MTUS1: variants seen among roughly 807,000 people sequenced by gnomAD.
MTUS1 encodes microtubule associated scaffold protein 1, also known as microtubule-associated tumor suppressor 1.
Under a neutral mutation model 120.8 loss-of-function variants are expected in MTUS1, and 109 were observed. That is an observed-to-expected ratio of 0.90 (90% CI 0.77 to 1.06). MTUS1 has a LOEUF of 1.06. MTUS1 is among the 50% of genes least tolerant of loss of function. The pLI is 0.00. For missense variants in MTUS1, 2,210 were observed against 1,486.3 expected (o/e 1.49, Z -8.01); for synonymous variants, 737 against 550.5 (o/e 1.34, Z -4.74).
chr8:17,680,782 G>A (rs780417557), intron 7 of MTUS1, among the ~76,000 whole-genome samples: 1 of 152,118 alleles, frequency 6.6e-6, no homozygotes, highest in Non-Finnish European at 1.5e-5. Context: ...AGATAGCAGA[G>A]AGTATAGAAT....
chr8:17,701,593 G>A (rs1011763525), intron 6 of MTUS1, among the ~76,000 whole-genome samples: 2 of 152,140 alleles, frequency 1.3e-5, no homozygotes, highest in African/African-American at 4.8e-5. Context: ...TGTCGCCAAG[G>A]CTGGAGTGCA....
intron 1 of MTUS1, among the ~76,000 whole-genome samples, chr8:17,764,811 G>C (rs534286808): frequency 6.6e-6 from 1 of 152,200 alleles, no homozygotes. Context: ...ACTAGTCTAT[G>C]CCCTAATCCC....
At chr8:17,710,374 T>G (rs1042416317) in intron 6 of MTUS1, among the ~76,000 whole-genome samples, 4 of 152,224 alleles carry the variant, frequency 2.6e-5, no homozygotes, top group Non-Finnish European at 5.9e-5. Context: ...ATTTCAACAG[T>G]GTTCACATCA....
At chr8:17,656,217 T>C in intron 8 of MTUS1, 152 bp from the exon 9 acceptor site, 1 of 714,582 alleles carries the variant, frequency 1.4e-6, no homozygotes. Context: ...TATAACAGTA[T>C]GGAAGTGAAC....
chr8:17,788,695 C>T (rs981436788), intron 1 of MTUS1, among the ~76,000 whole-genome samples: 9 of 152,052 alleles, frequency 5.9e-5, no homozygotes, highest in African/African-American at 2.4e-5. Context: ...GTTTATTGAA[C>T]AAAAATAAAA....
At chr8:17,758,464 T>G (rs2048792421) in intron 1 of MTUS1, among the ~76,000 whole-genome samples, 1 of 152,234 alleles carries the variant, frequency 6.6e-6, no homozygotes, top group African/African-American at 2.4e-5. Flanking sequence ...AACTCCTTAG[T>G]GAAATCACTG....
At chr8:17,767,668 C>A (rs541234641) in intron 1 of MTUS1, among the ~76,000 whole-genome samples, 1 of 129,172 alleles carries the variant, frequency 7.7e-6, no homozygotes, top group South Asian at 2.5e-4. Context: ...TACTGCACTC[C>A]AGCCTGGGTG....
At chr8:17,786,914 C>T (rs2051348275) in intron 1 of MTUS1, among the ~76,000 whole-genome samples, 1 of 152,186 alleles carries the variant, frequency 6.6e-6, no homozygotes, top group Non-Finnish European at 1.5e-5. Flanking sequence ...CTCAAACCAG[C>T]ATATACTGTT....
chr8:17,668,516 C>G (rs537303927), intron 8 of MTUS1, among the ~76,000 whole-genome samples: 8 of 152,278 alleles, frequency 5.3e-5, no homozygotes, highest in African/African-American at 1.9e-4. Context: ...ATTTCCAAGG[C>G]TGACACTTTC....
chr8:17,674,873 AT>A (rs1291480455), intron 8 of MTUS1: 18 of 1,160,754 alleles, frequency 1.6e-5, no homozygotes, highest in Non-Finnish European at 1.9e-5. Context: ...AGAAAAAAAA[AT>A]GACAACATTA....
chr8:17,649,347 T>G (rs933469005), intron 13 of MTUS1, among the ~76,000 whole-genome samples: 2 of 152,192 alleles, frequency 1.3e-5, no homozygotes, highest in Non-Finnish European at 2.9e-5. Flanking sequence ...AATGAGCCAC[T>G]GCGCCCAGCC....
In MTUS1 at chr8:17,654,571, G is replaced by C; in HGVS notation, c.3204C>G (p.Ala1068=). The change falls in exon 10 of 15, where the codon GCC becomes GCG. Residue 1068 remains alanine, a synonymous_variant. Transcript: ENST00000693296. Reference sequence around the variant, plus strand: ...AAAAAGCATCCTTGCCTGAAAGGGAGGCTTCATAGGCCTTCTTTAGCAATT... The same window carrying C: ...AAAAAGCATCCTTGCCTGAAAGGGACGCTTCATAGGCCTTCTTTAGCAATT... ...KLELLKKAYE[A]SLSEIKKGHE... The C allele has an allele frequency of 6.2e-7, 1 of 1,608,722 alleles. No homozygotes were observed. The highest frequency in any genetic ancestry group is 8.5e-7 in the Non-Finnish European group (1 of 1,175,050).
chr8:17,660,009 G>C (rs912448638), intron 8 of MTUS1, among the ~76,000 whole-genome samples: 5 of 152,050 alleles, frequency 3.3e-5, no homozygotes, highest in African/African-American at 1.2e-4. Context: ...ATTTCATTTA[G>C]CGTATGTCCT....
chr8:17,654,705 C>G (rs1436206599), intron 9 of MTUS1, 39 bp from the exon 10 acceptor site: 1 of 1,441,996 alleles, frequency 6.9e-7, no homozygotes. Flanking sequence ...AACAGTAAAA[C>G]CAAATGTCCT....
intron 1 of MTUS1, among the ~76,000 whole-genome samples, chr8:17,774,424 T>G (rs536933014): frequency 3.3e-5 from 5 of 152,250 alleles, no homozygotes; most frequent in Admixed American, 2.0e-4. Flanking sequence ...AAAATGAAAG[T>G]AAGTTTACCC....
intron 7 of MTUS1, among the ~76,000 whole-genome samples, chr8:17,683,843 C>A (rs1815149756): frequency 6.6e-6 from 1 of 152,120 alleles, no homozygotes. Context: ...GCTTTTGTTG[C>A]ACCACAGAGA....
chr8:17,744,161 G>A (rs2047550546), intron 2 of MTUS1, among the ~76,000 whole-genome samples: 1 of 152,060 alleles, frequency 6.6e-6, no homozygotes, highest in African/African-American at 2.4e-5. Flanking sequence ...TTTTGAAATG[G>A]CCCTGCAAAG....
chr8:17,717,328 A>G (rs539035612), intron 4 of MTUS1, among the ~76,000 whole-genome samples: 1 of 152,172 alleles, frequency 6.6e-6, no homozygotes, highest in Non-Finnish European at 1.5e-5. Flanking sequence ...AGCTAATGGG[A>G]GTGACAGTAT....
chr8:17,654,448 G>A (rs1004473869), intron 10 of MTUS1, 113 bp downstream of exon 10: 16 of 750,556 alleles, frequency 2.1e-5, no homozygotes, highest in Middle Eastern at 3.6e-4. Context: ...ACCCCAGCCT[G>A]AAGGCCACAG....
Sources: gnomAD v4.1 joint callset for allele counts (sites outside exome capture counted in the v4.1 genomes callset) on GRCh38, gnomAD v4.1.1 for gene constraint, MANE v1.5 for transcripts, NCBI Gene and HGNC (gene_info 2026-07-23, HGNC 2026-07-21) for gene names.